SDK1: variants seen among roughly 807,000 people sequenced by gnomAD.
SDK1 encodes the protein sidekick cell adhesion molecule 1.
Under a neutral mutation model 245.5 loss-of-function variants are expected in SDK1, and 157 were observed. That is an observed-to-expected ratio of 0.64 (90% CI 0.56 to 0.73). The LOEUF (loss-of-function observed/expected upper bound fraction) is 0.73. Ranked by LOEUF, SDK1 falls within the 30% of genes least tolerant of loss-of-function variation. The pLI is 0.00. For missense variants in SDK1, 3,583 were observed against 3,002.3 expected (o/e 1.19, Z -4.52); for synonymous variants, 1,647 against 1,278.5 (o/e 1.29, Z -6.15).
intron 1 of SDK1, among the ~76,000 whole-genome samples, chr7:3,418,037 T>C (rs2128579807): frequency 6.6e-6 from 1 of 150,718 alleles, no homozygotes; most frequent in Non-Finnish European, 1.5e-5. Flanking sequence ...GTAGACACTG[T>C]CAGAATCTGC....
At chr7:3,837,217 T>G (rs1780047481) in intron 5 of SDK1, among the ~76,000 whole-genome samples, 1 of 152,264 alleles carries the variant, frequency 6.6e-6, no homozygotes, top group African/African-American at 2.4e-5. Flanking sequence ...AAGTACAGTA[T>G]TTCTCTAGAT....
chr7:3,571,817 C>T (rs890467645), intron 1 of SDK1, among the ~76,000 whole-genome samples: 2 of 151,974 alleles, frequency 1.3e-5, no homozygotes, highest in South Asian at 2.1e-4. Flanking sequence ...GACGAAGTGT[C>T]TAGTGACCTG....
chr7:4,129,869 C>A (rs769878085), intron 26 of SDK1, 39 bp from the exon 27 acceptor site: 15 of 1,609,448 alleles, frequency 9.3e-6, no homozygotes, highest in Non-Finnish European at 1.2e-5. Context: ...CTCCTGGCAC[C>A]CGCCTCCTGA....
chr7:3,977,355 C>A (rs1284831034), intron 13 of SDK1, among the ~76,000 whole-genome samples: 2 of 114,542 alleles, frequency 1.7e-5, no homozygotes, highest in South Asian at 3.8e-4. Context: ...ACTGAGGGTC[C>A]CGGGGCTGAG....
At chr7:3,889,297 G>A (rs1478458158) in intron 5 of SDK1, among the ~76,000 whole-genome samples, 2 of 152,230 alleles carry the variant, frequency 1.3e-5, no homozygotes, top group Non-Finnish European at 2.9e-5. Context: ...AGCACATCGT[G>A]AGAGGAGGCC....
rs551781642 is a variant in SDK1 at position 3,549,425 on chromosome 7, C to A, written c.299-69655C>A. On this transcript the variant is annotated intron_variant, in intron 1 of 44. Transcript: ENST00000404826. Reference sequence around the variant, plus strand: ...CATAGAATTCTTTGTGAGTTGCTATCTTAACTTAAAAATTTTAATATGCTA... The same window carrying A: ...CATAGAATTCTTTGTGAGTTGCTATATTAACTTAAAAATTTTAATATGCTA... 5.9e-5 allele frequency among the ~76,000 whole-genome samples: 9 copies of A among 152,258 alleles called. No homozygotes were observed. In the East Asian group the frequency reaches 1.7e-3, roughly 29 times the overall value.
intron 8 of SDK1, among the ~76,000 whole-genome samples, 153 bp from the exon 9 acceptor site, chr7:3,962,504 G>T (rs1051419733): frequency 2.0e-5 from 3 of 152,210 alleles, no homozygotes; most frequent in African/African-American, 7.2e-5. Context: ...CATCTACAAC[G>T]AGAAAAATAG....
chr7:3,613,031 T>A (rs1781652552), intron 1 of SDK1, among the ~76,000 whole-genome samples: 1 of 152,178 alleles, frequency 6.6e-6, no homozygotes, highest in South Asian at 2.1e-4. Flanking sequence ...GTGATGATTA[T>A]CCTAGTGGAA....
intron 25 of SDK1, among the ~76,000 whole-genome samples, chr7:4,120,009 C>T (rs1249471615): frequency 1.3e-5 from 2 of 148,744 alleles, no homozygotes; most frequent in Admixed American, 6.7e-5. Flanking sequence ...ATAAATGGGA[C>T]ACAGTCATTG....
At chr7:3,882,058 C>T (rs1562510566) in intron 5 of SDK1, among the ~76,000 whole-genome samples, 2 of 152,156 alleles carry the variant, frequency 1.3e-5, no homozygotes, top group South Asian at 2.1e-4. Context: ...GCAAAAGGCA[C>T]GTCTTACCTG....
chr7:3,310,188 A>G (rs1374715580), intron 1 of SDK1, among the ~76,000 whole-genome samples: 6 of 151,844 alleles, frequency 4.0e-5, no homozygotes, highest in Middle Eastern at 3.4e-3. Context: ...AGCTGTCACC[A>G]CTCTTTGCAT....
chr7:4,229,454 T>C (rs1343552348), intron 40 of SDK1, among the ~76,000 whole-genome samples: 1 of 152,246 alleles, frequency 6.6e-6, no homozygotes, highest in Non-Finnish European at 1.5e-5. Flanking sequence ...TAAATCGTTC[T>C]GCGTTAAGAT....
Position 3,710,892 on chromosome 7 carries a change from A to G in SDK1, c.713+68787A>G, listed in dbSNP as rs569537925. Among the ~76,000 whole-genome samples, 9 of 152,322 alleles carry G rather than the reference A, an allele frequency of 5.9e-5. No individual in the cohort carries two copies. In the East Asian group the frequency reaches 1.2e-3, roughly 20 times the overall value. On this transcript the variant is annotated intron_variant, in intron 4 of 44. Transcript: ENST00000404826. ...CATCATTAACAAATACCTGGTTGAT[A>G]TCTTTATTACTGTGGCTTCAGGCAG... is the stretch of plus-strand genomic sequence containing the variant.
chr7:3,740,205 A>G (rs1779439054), intron 4 of SDK1, among the ~76,000 whole-genome samples: 1 of 152,180 alleles, frequency 6.6e-6, no homozygotes, highest in South Asian at 2.1e-4. Context: ...ACTGTACGTC[A>G]AATTGTATGT....
chr7:3,829,885 C>A (rs1028222672), intron 5 of SDK1, among the ~76,000 whole-genome samples: 1 of 152,204 alleles, frequency 6.6e-6, no homozygotes, highest in Admixed American at 6.5e-5. Context: ...CAGTGAGGCA[C>A]GTTTGGGCGG....
intron 1 of SDK1, among the ~76,000 whole-genome samples, chr7:3,357,237 G>C (rs79690070): frequency 0.02 from 2,991 of 147,068 alleles, 98 homozygotes; most frequent in African/African-American, 0.063. Context: ...GGATGCTTCT[G>C]TTGTTGATGT....
At chr7:3,443,635 C>G (rs543464471) in intron 1 of SDK1, among the ~76,000 whole-genome samples, 1 of 152,328 alleles carries the variant, frequency 6.6e-6, no homozygotes, top group East Asian at 1.9e-4. Context: ...TGGAGCCACA[C>G]TAGCCTCCAT....
chr7:3,741,183 G>T (rs1267045144), intron 4 of SDK1, among the ~76,000 whole-genome samples: 1 of 152,218 alleles, frequency 6.6e-6, no homozygotes, highest in Non-Finnish European at 1.5e-5. Flanking sequence ...AAATATGTCA[G>T]AGAGCTTGCT....
At position 3,313,575 on chromosome 7, in the gene SDK1, A is replaced by G. The variant is rs188392773; in HGVS notation, c.298+11691A>G. On this transcript the variant is annotated intron_variant, in intron 1 of 44. Transcript: ENST00000404826. ...GTTGCAATGTGCCCCTTAAATTTAT[A>G]TGTAATTGCTTTGCAGTTTGAGAAA... Among the ~76,000 whole-genome samples the G allele has an allele frequency of 3.7e-4, 57 of 152,358 alleles. 1 individual carries two copies. The highest frequency in any genetic ancestry group is 2.4e-3 in the Admixed American group (36 of 15,304).
Sources: gnomAD v4.1 joint callset for allele counts (sites outside exome capture counted in the v4.1 genomes callset) on GRCh38, gnomAD v4.1.1 for gene constraint, MANE v1.5 for transcripts, NCBI Gene and HGNC (gene_info 2026-07-23, HGNC 2026-07-21) for gene names.